The following GPHN variants were observed in gnomAD, a reference collection of about 807,000 sequenced individuals.
GPHN encodes the protein gephyrin.
Under a neutral mutation model 95.5 loss-of-function variants are expected in GPHN, and 17 were observed. The observed-to-expected ratio is 0.18, with a 90% CI of 0.12 to 0.27. The LOEUF is 0.27. Among genes scored for constraint, GPHN ranks in the 10% least tolerant of loss-of-function variants. GPHN has a pLI of 1.00. For missense variants in GPHN, 660 were observed against 978.1 expected, an observed-to-expected ratio of 0.67 and a Z score of 4.34; for synonymous variants, 320 against 322.5, an observed-to-expected ratio of 0.99 and a Z score of 0.08.
At chr14:66,778,724 G>A (rs943072936) in intron 3 of GPHN, among the ~76,000 whole-genome samples, 27 of 139,346 alleles carry the variant, frequency 1.9e-4, no homozygotes, top group Admixed American at 1.7e-3. Flanking sequence ...AGACTCAAGG[G>A]GCTTTTTTTT....
At chr14:67,697,445 C>T in the GPHN span, among the ~76,000 whole-genome samples, 1 of 152,210 alleles carries the variant, frequency 6.6e-6, no homozygotes, top group Non-Finnish European at 1.5e-5. Flanking sequence ...CAACAGAAAA[C>T]CGTCTAGGGA....
chr14:67,199,579 C>T, the GPHN span: 139 of 1,595,412 alleles, frequency 8.7e-5, no homozygotes, highest in Admixed American at 4.2e-4. Flanking sequence ...ACCCTATCAC[C>T]GTATCTTATG....
At chr14:67,615,643 G>T in the GPHN span, 1 of 532,582 alleles carries the variant, frequency 1.9e-6, no homozygotes, top group Non-Finnish European at 3.7e-6. Flanking sequence ...GACCATGTCT[G>T]CTAAAGAGAA....
chr14:66,879,071 G>A (rs2063805863), intron 4 of GPHN, among the ~76,000 whole-genome samples: 1 of 152,058 alleles, frequency 6.6e-6, no homozygotes, highest in African/African-American at 2.4e-5. Flanking sequence ...CATGGATGAA[G>A]CTGGAAACCA....
At chr14:67,371,904 T>C in the GPHN span, among the ~76,000 whole-genome samples, 2 of 152,180 alleles carry the variant, frequency 1.3e-5, no homozygotes, top group Non-Finnish European at 2.9e-5. Context: ...AATCCAACAA[T>C]GTATAAAAAG....
At chr14:67,295,100 TTGAAGTGTGTG>T in the GPHN span, 1 of 142,410 alleles carries the variant, frequency 7.0e-6, no homozygotes, top group African/African-American at 2.8e-5. Flanking sequence ...TTTTGAGATA[TTGAAGTGTGTG>T]TGTGTGTGTG....
chr14:67,110,250 A>G lies in GPHN; in HGVS notation c.1404A>G (p.Glu468=), dbSNP rs766600914. The G allele has an allele frequency of 6.8e-6, 11 of 1,613,560 alleles. No individual in the cohort carries two copies. Among genetic ancestry groups the G allele is most frequent in the Non-Finnish European group, 8.5e-6 (10 of 1,179,614 alleles). The change falls in exon 14 of 23, where the codon GAA becomes GAG. Residue 468 remains glutamate (E), a synonymous_variant. Transcript: ENST00000478722. ...TGGAAGATACCGAACTTATCAGGGA[A>G]TCAGATGATGTACGTCATCACCAAG... is the stretch of plus-strand genomic sequence containing the variant. ...VQVEDTELIR[E]SDDGTEELEV...
chr14:67,692,581 T>C, the GPHN span: 1 of 1,585,930 alleles, frequency 6.3e-7, no homozygotes, highest in Non-Finnish European at 8.6e-7. Context: ...GCAAGCTAAA[T>C]ATACTCGAGC....
intron 12 of GPHN, among the ~76,000 whole-genome samples, chr14:67,090,517 G>A (rs1298051399): frequency 6.6e-6 from 1 of 152,018 alleles, no homozygotes; most frequent in Non-Finnish European, 1.5e-5. Context: ...TTTGTGTTTA[G>A]ACTTGGGTCC....
chr14:67,503,202 A>G, the GPHN span, among the ~76,000 whole-genome samples: 2 of 152,238 alleles, frequency 1.3e-5, no homozygotes, highest in Non-Finnish European at 2.9e-5. Flanking sequence ...AGGAGTTAAA[A>G]GATCCTAACA....
the GPHN span, among the ~76,000 whole-genome samples, chr14:67,670,119 G>C: frequency 6.6e-6 from 1 of 152,126 alleles, no homozygotes; most frequent in African/African-American, 2.4e-5. Context: ...ATTCCCGTTA[G>C]CAAGGTGACT....
the GPHN span, among the ~76,000 whole-genome samples, chr14:67,465,047 A>G: frequency 2.6e-5 from 4 of 152,322 alleles, no homozygotes; most frequent in East Asian, 7.7e-4. Context: ...CCACAGGCCT[A>G]GCGCAGGGAG....
At chr14:67,473,981 G>T in the GPHN span, 21 of 1,518,444 alleles carry the variant, frequency 1.4e-5, no homozygotes, top group Non-Finnish European at 1.9e-5. This position sits in a 1 kb window ranked among gnomAD's most constrained non-coding sequence, Gnocchi z 6.5. Flanking sequence ...GGCCGGGCGC[G>T]GTGGCTCACG....
At chr14:66,686,677 A>C (rs2067382195) in intron 2 of GPHN, among the ~76,000 whole-genome samples, 1 of 152,236 alleles carries the variant, frequency 6.6e-6, no homozygotes, top group Non-Finnish European at 1.5e-5. Flanking sequence ...TTCTAAATAC[A>C]CAATCATGTC....
At chr14:67,584,213 C>G in the GPHN span, 190 of 1,348,298 alleles carry the variant, frequency 1.4e-4, no homozygotes, top group Admixed American at 1.8e-4. Context: ...GCCCCTACCT[C>G]CATACCAGTA....
the GPHN span, among the ~76,000 whole-genome samples, chr14:67,726,412 G>A: frequency 6.6e-6 from 1 of 152,226 alleles, no homozygotes; most frequent in Non-Finnish European, 1.5e-5. Flanking sequence ...GGATGGGGCA[G>A]TGGCAGTACA....
chr14:67,420,086 C>T, the GPHN span, among the ~76,000 whole-genome samples: 4 of 152,212 alleles, frequency 2.6e-5, no homozygotes, highest in African/African-American at 9.6e-5. Context: ...AACCTCTCAG[C>T]CCTCCTTAGG....
the GPHN span, among the ~76,000 whole-genome samples, chr14:67,625,901 C>T: frequency 6.6e-6 from 1 of 152,118 alleles, no homozygotes; most frequent in African/African-American, 2.4e-5. Flanking sequence ...TTAGCCACTT[C>T]TCCAAAGAAG....
intron 9 of GPHN, among the ~76,000 whole-genome samples, chr14:67,005,860 A>G (rs1009998666): frequency 6.6e-6 from 1 of 151,736 alleles, no homozygotes; most frequent in African/African-American, 2.4e-5. Context: ...ACAATAAAAC[A>G]GTTGGATGTG....
Sources: gnomAD v4.1 joint callset for allele counts (sites outside exome capture counted in the v4.1 genomes callset) on GRCh38, gnomAD v4.1.1 for gene constraint, Gnocchi (gnomAD v3.1) non-coding constraint, MANE v1.5 for transcripts, NCBI Gene and HGNC (gene_info 2026-07-23, HGNC 2026-07-21) for gene names.